The following AGBL4 variants were observed in gnomAD, a reference collection of about 807,000 sequenced individuals.
AGBL4 encodes cytosolic carboxypeptidase 6.
Under a neutral mutation model 66.4 loss-of-function variants are expected in AGBL4, and 58 were observed. The observed-to-expected ratio is 0.87, with a 90% CI of 0.71 to 1.09. The LOEUF is 1.09. Among genes scored for constraint, AGBL4 ranks in the 50% least tolerant of loss-of-function variants. The probability of loss-of-function intolerance (pLI) is 0.00; values close to 1 mark genes in which losing one functional copy is unlikely to be tolerated. For synonymous variants in AGBL4, 234 were observed against 222.9 expected, an observed-to-expected ratio of 1.05 and a Z score of -0.44; for missense variants, 579 against 631.0, an observed-to-expected ratio of 0.92 and a Z score of 0.88.
At chr1:49,051,816 G>A (rs1644220328) in intron 4 of AGBL4, among the ~76,000 whole-genome samples, 2 of 152,090 alleles carry the variant, frequency 1.3e-5, no homozygotes, top group African/African-American at 4.8e-5. Context: ...CTTTGTCACA[G>A]CTAATCTCTT....
rs113617009 is a variant in AGBL4 at position 49,952,064 on chromosome 1, G to C, written c.34+71699C>G. On this transcript the variant is annotated intron_variant, in intron 1 of 13. Transcript: ENST00000371839. Reference sequence around the variant, plus strand: ...AGTTTCTGTTTGGGATGATGAAAATGTTCTGGAAATGGATAGTGATAATGG... The same window carrying C: ...AGTTTCTGTTTGGGATGATGAAAATCTTCTGGAAATGGATAGTGATAATGG... 1.8e-3 allele frequency among the ~76,000 whole-genome samples: 273 copies of C among 151,760 alleles called. 3 individuals carry two copies. The highest frequency in any genetic ancestry group is 6.1e-3 in the African/African-American group (255 of 41,482).
At chr1:48,709,583 G>A (rs1245125559) in intron 6 of AGBL4, among the ~76,000 whole-genome samples, 1 of 42,644 alleles carries the variant, frequency 2.3e-5, no homozygotes, top group Non-Finnish European at 6.5e-5. Flanking sequence ...TATTTGCCAG[G>A]CATTATTATT....
At chr1:49,747,847 A>T (rs1651106724) in intron 2 of AGBL4, among the ~76,000 whole-genome samples, 1 of 152,112 alleles carries the variant, frequency 6.6e-6, no homozygotes, top group Non-Finnish European at 1.5e-5. Flanking sequence ...TCAATTTGAC[A>T]CAATAAATTT....
intron 3 of AGBL4, among the ~76,000 whole-genome samples, chr1:49,486,707 A>C (rs1489923607): frequency 6.6e-6 from 1 of 152,018 alleles, no homozygotes; most frequent in Non-Finnish European, 1.5e-5. Context: ...CCATCTCTAG[A>C]AAAACGTCGG....
At chr1:49,723,565 G>A (rs1225268847) in intron 2 of AGBL4, among the ~76,000 whole-genome samples, 2 of 151,986 alleles carry the variant, frequency 1.3e-5, no homozygotes, top group African/African-American at 2.4e-5. Context: ...ATTTCCTCAA[G>A]CTATTCCACA....
intron 3 of AGBL4, among the ~76,000 whole-genome samples, chr1:49,672,447 T>A (rs574071144): frequency 7.9e-5 from 12 of 152,056 alleles, no homozygotes; most frequent in Admixed American, 3.3e-4. Flanking sequence ...ATGTGACATG[T>A]GTCTATTTAT....
chr1:50,013,133 C>G (rs902288690), intron 1 of AGBL4, among the ~76,000 whole-genome samples: 8 of 152,082 alleles, frequency 5.3e-5, no homozygotes, highest in African/African-American at 1.9e-4. Flanking sequence ...GTAAAATCTT[C>G]CAGAAATAGA....
chr1:49,979,176 A>G (rs1658841314), intron 1 of AGBL4, among the ~76,000 whole-genome samples: 1 of 152,230 alleles, frequency 6.6e-6, no homozygotes, highest in South Asian at 2.1e-4. Context: ...AAAACTTACA[A>G]CCTGGCCGGG....
intron 4 of AGBL4, among the ~76,000 whole-genome samples, chr1:49,198,699 C>G (rs1647434190): frequency 1.3e-5 from 2 of 151,758 alleles, no homozygotes; most frequent in Non-Finnish European, 2.9e-5. Context: ...GCTGGAAAAG[C>G]ATTGTTTGCC....
intron 6 of AGBL4, among the ~76,000 whole-genome samples, chr1:48,791,273 A>C (rs1317485807): frequency 2.6e-5 from 4 of 152,174 alleles, no homozygotes; most frequent in Non-Finnish European, 4.4e-5. Context: ...TTAAGTAAAC[A>C]TATCCCAGCA....
intron 3 of AGBL4, among the ~76,000 whole-genome samples, chr1:49,468,860 A>G (rs989759293): frequency 6.6e-6 from 1 of 151,876 alleles, no homozygotes; most frequent in Admixed American, 6.6e-5. Flanking sequence ...AAATTTCCTC[A>G]GTAAATGAAG....
chr1:49,569,555 C>T (rs921510139), intron 3 of AGBL4, among the ~76,000 whole-genome samples: 1 of 151,894 alleles, frequency 6.6e-6, no homozygotes, highest in Non-Finnish European at 1.5e-5. Flanking sequence ...CTTACATTTG[C>T]GTTTTAGTTT....
At chr1:49,179,895 T>A (rs1646898582) in intron 4 of AGBL4, among the ~76,000 whole-genome samples, 1 of 151,932 alleles carries the variant, frequency 6.6e-6, no homozygotes, top group Non-Finnish European at 1.5e-5. Flanking sequence ...CATCTTTATT[T>A]TTTTTATTTT....
chr1:49,284,609 T>C (rs1316901206), intron 3 of AGBL4, among the ~76,000 whole-genome samples: 1 of 152,210 alleles, frequency 6.6e-6, no homozygotes, highest in African/African-American at 2.4e-5. Context: ...TCCATCAGTG[T>C]GCTGTATTCT....
chr1:49,405,159 T>G (rs2148617848), intron 3 of AGBL4, among the ~76,000 whole-genome samples: 1 of 152,258 alleles, frequency 6.6e-6, no homozygotes, highest in South Asian at 2.1e-4. Flanking sequence ...TTCTCCAAAT[T>G]CAGAACCTCA....
At chr1:49,332,104 CTT>C (rs1293163649) in intron 3 of AGBL4, among the ~76,000 whole-genome samples, 1 of 152,176 alleles carries the variant, frequency 6.6e-6, no homozygotes, top group African/African-American at 2.4e-5. Flanking sequence ...TAGTTGTTTG[CTT>C]TTCTCCCTTC....
chr1:49,528,601 C>A (rs531522434), intron 3 of AGBL4, among the ~76,000 whole-genome samples: 21 of 151,946 alleles, frequency 1.4e-4, no homozygotes, highest in Non-Finnish European at 2.9e-4. Context: ...TAATATAGAA[C>A]AATTGGGGCC....
intron 5 of AGBL4, among the ~76,000 whole-genome samples, chr1:48,981,842 G>A (rs1379651614): frequency 1.3e-5 from 2 of 152,350 alleles, no homozygotes. Flanking sequence ...GTTGCAGTGA[G>A]CCAAGATTGT....
chr1:49,347,136 C>A (rs1362332296), intron 3 of AGBL4, among the ~76,000 whole-genome samples: 1 of 152,032 alleles, frequency 6.6e-6, no homozygotes, highest in Non-Finnish European at 1.5e-5. Flanking sequence ...ATTTTTTTAT[C>A]TTTGTTATCT....
Sources: allele counts gnomAD v4.1 joint callset (sites outside exome capture counted in the v4.1 genomes callset), GRCh38; gene constraint gnomAD v4.1.1; transcripts MANE v1.5; gene names NCBI Gene and HGNC (gene_info 2026-07-23, HGNC 2026-07-21).